SOX6: variants seen among roughly 807,000 people sequenced by gnomAD.
SOX6 encodes the protein SRY-box transcription factor 6, also known as transcription factor SOX-6.
In SOX6, 11 loss-of-function variants were observed where a neutral mutation model predicts 97.8. The ratio of observed to expected loss-of-function variants is 0.11; its 90% CI spans 0.07 to 0.19. SOX6 has a LOEUF of 0.19. Among genes scored for constraint, SOX6 ranks in the 10% least tolerant of loss-of-function variants. SOX6 has a pLI of 1.00. For synonymous variants in SOX6, 360 were observed against 371.4 expected (o/e 0.97, Z 0.35); for missense variants, 810 against 1,039.5 (o/e 0.78, Z 3.04).
At chr11:16,442,946 A>T (rs1269258425) in intron 1 of SOX6, among the ~76,000 whole-genome samples, 1 of 152,202 alleles carries the variant, frequency 6.6e-6, no homozygotes. Flanking sequence ...CAAGTGCACC[A>T]CCAAAATCAC....
chr11:16,480,704 G>T (rs904296485), upstream of SOX6, among the ~76,000 whole-genome samples: 7 of 151,546 alleles, frequency 4.6e-5, no homozygotes, highest in African/African-American at 1.7e-4. Flanking sequence ...GTATCAAATG[G>T]GTGGTTGGAT....
intron 4 of SOX6, among the ~76,000 whole-genome samples, chr11:16,225,335 G>C (rs1040715307): frequency 6.6e-6 from 1 of 151,742 alleles, no homozygotes; most frequent in East Asian, 1.9e-4. Flanking sequence ...TATAACAATT[G>C]CTGTAAATTT....
chr11:16,583,640 C>CATATATATATATATATATATAT (rs1342015213), intron 4 of SOX6, among the ~76,000 whole-genome samples: 1 of 92,836 alleles, frequency 1.1e-5, no homozygotes, highest in Non-Finnish European at 2.5e-5. Flanking sequence ...TATATATACA[C>CATATATATATATATATATATAT]ATACACACAC....
At chr11:16,065,282 T>A (rs1848068109) in intron 9 of SOX6, among the ~76,000 whole-genome samples, 3 of 151,760 alleles carry the variant, frequency 2.0e-5, no homozygotes, top group Admixed American at 1.3e-4. Context: ...ACAAATAAAA[T>A]TAAATGCCTA....
chr11:16,548,883 T>A (rs1196645276), intron 4 of SOX6, among the ~76,000 whole-genome samples: 1 of 152,118 alleles, frequency 6.6e-6, no homozygotes, highest in Non-Finnish European at 1.5e-5. Context: ...GTAATTTGAT[T>A]TAGCCATTCC....
At position 16,565,754 on chromosome 11, in the gene SOX6, A is replaced by T. The variant is rs1273063697; in HGVS notation, n.609+46327T>A. On this transcript the variant is annotated intron_variant and non_coding_transcript_variant, in intron 4 of 5. Coordinates refer to the SOX6 transcript ENST00000524520. ...AAAAAAAAAAAAAAAAAAAAAAAAA[A>T]AAAACTCGTCAACAGAAAGAAATTC... Among the ~76,000 whole-genome samples the T allele has an allele frequency of 1.3e-4, 19 of 150,810 alleles. 4 individuals carry two copies. The highest frequency in any genetic ancestry group is 4.6e-4 in the African/African-American group (19 of 40,944).
chr11:16,089,530 C>T (rs1475596475), intron 9 of SOX6, among the ~76,000 whole-genome samples: 1 of 152,056 alleles, frequency 6.6e-6, no homozygotes, highest in Non-Finnish European at 1.5e-5. Flanking sequence ...AGTTATTATC[C>T]TAATCTTTAT....
Position 16,164,405 on chromosome 11 carries a change from G to C in SOX6, c.777+19481C>G, listed in dbSNP as rs189621820. Among the ~76,000 whole-genome samples, 9 of 152,324 alleles carry C rather than the reference G, an allele frequency of 5.9e-5. No individual in the cohort carries two copies. In the East Asian group the frequency reaches 1.3e-3, roughly 23 times the overall value. On this transcript the variant is annotated intron_variant, in intron 6 of 15. Coordinates refer to ENST00000683767, the MANE Select transcript of SOX6 (RefSeq NM_001367873.1). ...ATTTCACTTTCCTCCATCAGAATCAGTGGATCTTCAGTATTTAACTGTTCA... is the reference window on the plus strand; with the variant it reads ...ATTTCACTTTCCTCCATCAGAATCACTGGATCTTCAGTATTTAACTGTTCA...
At chr11:16,654,320 C>T (rs1490096277) in intron 3 of SOX6, among the ~76,000 whole-genome samples, 3 of 152,098 alleles carry the variant, frequency 2.0e-5, no homozygotes, top group South Asian at 2.1e-4. Context: ...AGGCACATAC[C>T]GCCATGCTTG....
chr11:16,714,575 C>T (rs1367796746), intron 3 of SOX6, among the ~76,000 whole-genome samples: 1 of 151,732 alleles, frequency 6.6e-6, no homozygotes, highest in Admixed American at 6.6e-5. Flanking sequence ...CCTCAGCCTC[C>T]CGAATAGCTG....
chr11:16,721,756 G>A (rs1188793058), intron 2 of SOX6, among the ~76,000 whole-genome samples: 2 of 151,178 alleles, frequency 1.3e-5, no homozygotes, highest in Non-Finnish European at 2.9e-5. Flanking sequence ...GGAGAACTGT[G>A]AGTCAATTAA....
intron 1 of SOX6, among the ~76,000 whole-genome samples, chr11:16,352,593 C>T (rs934650092): frequency 6.6e-6 from 1 of 152,030 alleles, no homozygotes; most frequent in Non-Finnish European, 1.5e-5. Flanking sequence ...AGGGCAGATG[C>T]TATTAGAATT....
intron 4 of SOX6, among the ~76,000 whole-genome samples, chr11:16,593,913 A>T (rs1848181786): frequency 6.6e-6 from 1 of 152,204 alleles, no homozygotes; most frequent in South Asian, 2.1e-4. Flanking sequence ...TTCAGAATTA[A>T]AAAAGAAAAA....
intron 1 of SOX6, among the ~76,000 whole-genome samples, chr11:16,390,227 A>G (rs566883764): frequency 6.9e-6 from 1 of 145,062 alleles, no homozygotes; most frequent in African/African-American, 2.8e-5. Flanking sequence ...GTGGTTGCCC[A>G]AAGTCTGTTG....
At chr11:16,211,017 A>T (rs2134141772) in intron 4 of SOX6, among the ~76,000 whole-genome samples, 1 of 152,338 alleles carries the variant, frequency 6.6e-6, no homozygotes, top group South Asian at 2.1e-4. Context: ...AATACTTAGG[A>T]GTAGAGAATT....
chr11:16,636,572 A>C (rs2134000026), intron 3 of SOX6, among the ~76,000 whole-genome samples: 1 of 152,268 alleles, frequency 6.6e-6, no homozygotes, highest in South Asian at 2.1e-4. Flanking sequence ...GGAAGGCATG[A>C]TTGTATTTTG....
intron 4 of SOX6, among the ~76,000 whole-genome samples, chr11:16,545,900 C>G (rs1847615390): frequency 6.6e-6 from 1 of 152,136 alleles, no homozygotes; most frequent in Non-Finnish European, 1.5e-5. Context: ...TGCAGTGAGC[C>G]ATGATCATGC....
At chr11:16,411,258 G>C (rs1858812570) in intron 1 of SOX6, among the ~76,000 whole-genome samples, 1 of 152,110 alleles carries the variant, frequency 6.6e-6, no homozygotes, top group Admixed American at 6.5e-5. Context: ...GACTTTCAAA[G>C]GTTAATTGGC....
chr11:16,350,465 T>C (rs575938560), intron 1 of SOX6, among the ~76,000 whole-genome samples: 3 of 152,224 alleles, frequency 2.0e-5, no homozygotes, highest in African/African-American at 4.8e-5. Flanking sequence ...TCAAATAATA[T>C]AATACAATTT....
Sources: allele counts gnomAD v4.1 joint callset (sites outside exome capture counted in the v4.1 genomes callset), GRCh38; gene constraint gnomAD v4.1.1; transcripts MANE v1.5; gene names NCBI Gene and HGNC (gene_info 2026-07-23, HGNC 2026-07-21).